ACOX2: variants seen among roughly 807,000 people sequenced by gnomAD.
The protein encoded by ACOX2 is peroxisomal acyl-coenzyme A oxidase 2.
A neutral mutation model predicts 77.5 loss-of-function variants in ACOX2; 59 were observed. The observed-to-expected ratio is 0.76, with a 90% CI of 0.62 to 0.95. The LOEUF (loss-of-function observed/expected upper bound fraction) is 0.95. ACOX2 is among the 40% of genes least tolerant of loss of function. The pLI is 0.00. For synonymous variants in ACOX2, 317 were observed against 340.1 expected, an observed-to-expected ratio of 0.93 and a Z score of 0.75; for missense variants, 837 against 880.4, an observed-to-expected ratio of 0.95 and a Z score of 0.62.
chr3:58,511,918 C>T (rs2063290695), intron 13 of ACOX2, among the ~76,000 whole-genome samples: 1 of 152,214 alleles, frequency 6.6e-6, no homozygotes, highest in Non-Finnish European at 1.5e-5. Context: ...TAGCTCTTGC[C>T]ACGGTTACTT....
chr3:58,535,138 A>G lies in ACOX2; in HGVS notation c.-32T>C. ...CTGGATCTGTCTGGTGACTATGGAG[A>G]GACACTTCCAACCCGGCTGCTCCGA... On this transcript the variant is annotated 5_prime_UTR_variant, in exon 2 of 15. Transcript: ENST00000302819. The surrounding 1 kb of genome is among the most constrained non-coding windows in gnomAD (Gnocchi z 4.8). 1 of 1,613,962 alleles carries G rather than the reference A, an allele frequency of 6.2e-7. No homozygotes were observed. Among genetic ancestry groups the G allele is most frequent in the South Asian group, 1.1e-5 (1 of 91,076 alleles).
At position 58,514,689 on chromosome 3, in the gene ACOX2, G is replaced by C. The variant is rs548749951; in HGVS notation, c.1850+2517C>G. On this transcript the variant is annotated intron_variant, in intron 13 of 14. Transcript: ENST00000302819. This position sits in a 1 kb window ranked among gnomAD's most constrained non-coding sequence, Gnocchi z 4.3. ...ATGAGTAAGTTGGCAGATTGCATCT[G>C]GGCTGTCTGTCTTGTCTTGAATTGT... 6.6e-6 allele frequency among the ~76,000 whole-genome samples: 1 copy of C among 152,324 alleles called. No homozygotes were observed. Among genetic ancestry groups the C allele is most frequent in the African/African-American group, 2.4e-5 (1 of 41,560 alleles).
rs997159063 is a variant in ACOX2 at position 58,515,201 on chromosome 3, A to G, written c.1850+2005T>C. Among the ~76,000 whole-genome samples the G allele has an allele frequency of 6.6e-6, 1 of 152,136 alleles. No homozygotes were observed. Among genetic ancestry groups the G allele is most frequent in the Non-Finnish European group, 1.5e-5 (1 of 68,024 alleles). Reference sequence around the variant, plus strand: ...ACACCCAGCTAATTTTTGTATTTTTAGTAGAGACCGGGTTTCACCATGTTG... The same window carrying G: ...ACACCCAGCTAATTTTTGTATTTTTGGTAGAGACCGGGTTTCACCATGTTG... On this transcript the variant is annotated intron_variant, in intron 13 of 14. Transcript: ENST00000302819. This position sits in a 1 kb window ranked among gnomAD's most constrained non-coding sequence, Gnocchi z 4.0.
In ACOX2 at chr3:58,533,145, T is replaced by G. The variant is rs757585337; in HGVS notation, c.583+300A>C. On this transcript the variant is annotated intron_variant, in intron 5 of 14. Transcript: ENST00000302819. This position sits in a 1 kb window ranked among gnomAD's most constrained non-coding sequence, Gnocchi z 5.6. The stretch of plus-strand genomic sequence containing the variant: ...GAGGAGTGCCTAGGACTAGACCAAG[T>G]GTGTGTGTTTGTGCGTGTGTGTGTG... Among the ~76,000 whole-genome samples, 1 of 152,128 alleles carries G rather than the reference T, an allele frequency of 6.6e-6. No homozygotes were observed. Among genetic ancestry groups the G allele is most frequent in the Non-Finnish European group, 1.5e-5 (1 of 68,006 alleles).
In ACOX2 at chr3:58,535,399, T is replaced by C. The variant is rs548879614; in HGVS notation, c.-91-202A>G. On this transcript the variant is annotated intron_variant, in intron 1 of 14. Transcript: ENST00000302819. This position sits in a 1 kb window ranked among gnomAD's most constrained non-coding sequence, Gnocchi z 4.8. ...TTTGTTCAATACTTGTTAGCCAAAA[T>C]TGGACAGGGCCTGACCCCAAAGATT... 3.3e-5 allele frequency among the ~76,000 whole-genome samples: 5 copies of C among 152,296 alleles called. No individual in the cohort carries two copies. The highest frequency in any genetic ancestry group is 1.2e-4 in the African/African-American group (5 of 41,560).
chr3:58,534,845 G>C lies in ACOX2; in HGVS notation c.160+102C>G. The C allele has an allele frequency of 6.5e-7, 1 of 1,550,126 alleles. No individual in the cohort carries two copies. Among genetic ancestry groups the C allele is most frequent in the Non-Finnish European group, 8.8e-7 (1 of 1,133,532 alleles). ...AATCTCTAACAGTGGAATTTCAAGG[G>C]CAAAGTTTGTTATTTGGAAGCAGAA... On this transcript the variant is annotated intron_variant, in intron 2 of 14. Transcript: ENST00000302819. The surrounding 1 kb of genome is among the most constrained non-coding windows in gnomAD (Gnocchi z 4.8).
rs1455218619 is a variant in ACOX2, at chr3:58,531,820, CAG to C, written c.584-10_584-9del. 1 of 1,611,818 alleles carries C rather than the reference CAG, an allele frequency of 6.2e-7. No individual in the cohort carries two copies. Among genetic ancestry groups the C allele is most frequent in the African/African-American group, 1.3e-5 (1 of 74,996 alleles). On this transcript the variant is annotated splice_polypyrimidine_tract_variant and intron_variant, in intron 5 of 14. Coordinates refer to ENST00000302819, the MANE Select transcript of ACOX2 (RefSeq NM_003500.4). This position sits in a 1 kb window ranked among gnomAD's most constrained non-coding sequence, Gnocchi z 5.8. ...GGGTGGCTGACCGTCCCACTGAGGG[CAG>C]AGAGAGTAGCGGCCCGTCACAGGAA...
chr3:58,513,802 AC>A (rs1430120356), intron 13 of ACOX2, among the ~76,000 whole-genome samples: 1 of 152,184 alleles, frequency 6.6e-6, no homozygotes, highest in African/African-American at 2.4e-5. Flanking sequence ...CTAGCTGATT[AC>A]AAACTTGTGG....
intron 13 of ACOX2, among the ~76,000 whole-genome samples, chr3:58,509,916 A>G (rs894974057): frequency 2.0e-4 from 30 of 152,026 alleles, no homozygotes; most frequent in Admixed American, 7.9e-4. Context: ...GGCAATTTCA[A>G]TCTTTTAGTT....
chr3:58,518,075 CAAAAAAAAAA>C, intron 12 of ACOX2, among the ~76,000 whole-genome samples: 2 of 47,698 alleles, frequency 4.2e-5, no homozygotes, highest in East Asian at 6.1e-4. Context: ...AACTCCATCT[CAAAAAAAAAA>C]AAAAAAAAAA....
In ACOX2 at chr3:58,521,385, G is replaced by A. The variant is rs945666533; in HGVS notation, c.1632+1111C>T. On this transcript the variant is annotated intron_variant, in intron 12 of 14. Coordinates refer to ENST00000302819, the MANE Select transcript of ACOX2 (RefSeq NM_003500.4). The surrounding 1 kb of genome is among the most constrained non-coding windows in gnomAD (Gnocchi z 4.8). The stretch of plus-strand genomic sequence containing the variant: ...TTGGCGTGATCACTTTAGTTTTCCA[G>A]TTATTGGCGGTGCCAGAGTCCCAGC... 2.0e-5 allele frequency among the ~76,000 whole-genome samples: 3 copies of A among 152,236 alleles called. No individual in the cohort carries two copies. Among genetic ancestry groups the A allele is most frequent in the African/African-American group, 7.2e-5 (3 of 41,476 alleles).
chr3:58,518,037 T>A (rs1475222050), intron 12 of ACOX2, among the ~76,000 whole-genome samples: 3 of 134,220 alleles, frequency 2.2e-5, no homozygotes, highest in East Asian at 2.1e-4. Flanking sequence ...ATCATGCCAT[T>A]GCACTCCAGC....
chr3:58,534,751 T>A lies in ACOX2; in HGVS notation c.160+196A>T. 2 of 1,319,726 alleles carry A rather than the reference T, an allele frequency of 1.5e-6. No individual in the cohort carries two copies. Among genetic ancestry groups the A allele is most frequent in the East Asian group, 4.8e-5 (2 of 41,606 alleles). 81.8% of individuals were successfully genotyped at this position (1,319,726 alleles called of 1,614,324 possible). A position where few individuals can be genotyped will look rare whatever the true frequency, so the allele number is the denominator to read the frequency against. On this transcript the variant is annotated intron_variant, in intron 2 of 14. Coordinates refer to ENST00000302819, the MANE Select transcript of ACOX2 (RefSeq NM_003500.4). This position sits in a 1 kb window ranked among gnomAD's most constrained non-coding sequence, Gnocchi z 4.8. ...ATCCAGGTCTTCTGCTGCCTAGGACTCTTCTATCCCCTAGGTGGGCTCAGG... is the reference window on the plus strand; with the variant it reads ...ATCCAGGTCTTCTGCTGCCTAGGACACTTCTATCCCCTAGGTGGGCTCAGG...
Position 58,533,980 on chromosome 3 carries a change from C to T in ACOX2, c.475+14G>A. ...TGCACAACCTAAACACCACACGCAG[C>T]AGTCCTAGCTCACCATGTCCCAACT... On this transcript the variant is annotated intron_variant, in intron 4 of 14. Coordinates refer to ENST00000302819, the MANE Select transcript of ACOX2 (RefSeq NM_003500.4). The surrounding 1 kb of genome is among the most constrained non-coding windows in gnomAD (Gnocchi z 5.6). The T allele has an allele frequency of 6.2e-7, 1 of 1,613,864 alleles. No individual in the cohort carries two copies. Among genetic ancestry groups the T allele is most frequent in the Non-Finnish European group, 8.5e-7 (1 of 1,179,864 alleles).
chr3:58,532,601 G>T (rs1380924769), intron 5 of ACOX2, among the ~76,000 whole-genome samples: 3 of 152,002 alleles, frequency 2.0e-5, no homozygotes, highest in African/African-American at 7.3e-5. Context: ...GGTCAGGCTG[G>T]TTCAAACTCC....
At position 58,533,660 on chromosome 3, in the gene ACOX2, G is replaced by C. The variant is rs556759325; in HGVS notation, c.476-108C>G. On this transcript the variant is annotated intron_variant, in intron 4 of 14. Transcript: ENST00000302819. This position sits in a 1 kb window ranked among gnomAD's most constrained non-coding sequence, Gnocchi z 5.6. ...TTAGGCATCAGCGCAGTATGGAGTGGGGCCCAGCTCCCAGCTGTACTTGCA... is the reference window on the plus strand; with the variant it reads ...TTAGGCATCAGCGCAGTATGGAGTGCGGCCCAGCTCCCAGCTGTACTTGCA... The C allele has an allele frequency of 2.0e-6, 2 of 985,148 alleles. No individual in the cohort carries two copies. The highest frequency in any genetic ancestry group is 4.9e-5 in the East Asian group (2 of 40,474). 61.0% of individuals were successfully genotyped at this position (985,148 alleles called of 1,614,324 possible). A position where few individuals can be genotyped will look rare whatever the true frequency, so the allele number is the denominator to read the frequency against.
chr3:58,512,419 A>G lies in ACOX2; in HGVS notation c.1851-3394T>C, dbSNP rs2063294776. Among the ~76,000 whole-genome samples the G allele has an allele frequency of 6.6e-6, 1 of 152,220 alleles. No homozygotes were observed. The highest frequency in any genetic ancestry group is 2.1e-4 in the South Asian group (1 of 4,826). On this transcript the variant is annotated intron_variant, in intron 13 of 14. Coordinates refer to ENST00000302819, the MANE Select transcript of ACOX2 (RefSeq NM_003500.4). The surrounding 1 kb of genome is among the most constrained non-coding windows in gnomAD (Gnocchi z 4.8). Reference sequence around the variant, plus strand: ...TTTCACTCTTAGTTCTTAATATGGCAGCTGGAGCAAGCCTTTAAAAATACA... The same window carrying G: ...TTTCACTCTTAGTTCTTAATATGGCGGCTGGAGCAAGCCTTTAAAAATACA...
intron 14 of ACOX2, among the ~76,000 whole-genome samples, chr3:58,506,550 T>C (rs570344757): frequency 1.3e-5 from 2 of 152,330 alleles, no homozygotes; most frequent in South Asian, 2.1e-4. Context: ...CCCAGCACTT[T>C]GGGAGGCTGA....
Position 58,522,517 on chromosome 3 carries a change from G to A in ACOX2, c.1611C>T (p.Val537=), listed in dbSNP as rs1399058535. The change falls in exon 12 of 15, where the codon GTC becomes GTT. Residue 537 remains valine, a synonymous_variant. Transcript: ENST00000302819. This position sits in a 1 kb window ranked among gnomAD's most constrained non-coding sequence, Gnocchi z 4.3. ...DQHEAWNQTT[V]IHLQAAKVHC... is the part of the protein sequence containing the mutation. ...TCACCTTAGCAGCCTGGAGGTGTAT[G>A]ACAGTGGTCTGGTTCCAAGCCTCGT... 2 of 1,614,202 alleles carry A rather than the reference G, an allele frequency of 1.2e-6. No homozygotes were observed. Among genetic ancestry groups the A allele is most frequent in the South Asian group, 1.1e-5 (1 of 91,078 alleles).
Sources: gnomAD v4.1 joint callset for allele counts (sites outside exome capture counted in the v4.1 genomes callset) on GRCh38, gnomAD v4.1.1 for gene constraint, Gnocchi (gnomAD v3.1) non-coding constraint, MANE v1.5 for transcripts, NCBI Gene and HGNC (gene_info 2026-07-23, HGNC 2026-07-21) for gene names.